LIMK2: variants seen among roughly 807,000 people sequenced by gnomAD.
The protein encoded by LIMK2 is LIM domain kinase 2.
A neutral mutation model predicts 75.7 loss-of-function variants in LIMK2; 35 were observed. The ratio of observed to expected loss-of-function variants is 0.46; its 90% CI spans 0.35 to 0.61. The LOEUF is 0.61. Ranked by LOEUF, LIMK2 falls within the 20% of genes least tolerant of loss-of-function variation. The pLI, the probability that LIMK2 is intolerant of heterozygous loss-of-function variation, is 0.00. For synonymous variants in LIMK2, 301 were observed against 319.2 expected (o/e 0.94, Z 0.61); for missense variants, 623 against 831.0 (o/e 0.75, Z 3.08).
At chr22:31,228,629 A>C (rs555618213) in intron 2 of LIMK2, among the ~76,000 whole-genome samples, 88 of 152,256 alleles carry the variant, frequency 5.8e-4, no homozygotes, top group African/African-American at 2.1e-3. Context: ...ATAGCATCTG[A>C]CATATAGAAA....
intron 2 of LIMK2, among the ~76,000 whole-genome samples, chr22:31,226,456 A>G (rs953936944): frequency 4.0e-5 from 1 of 25,138 alleles, no homozygotes; most frequent in African/African-American, 3.4e-4. Context: ...ACCCACCTCG[A>G]CCTCCCAAAG....
intron 2 of LIMK2, among the ~76,000 whole-genome samples, chr22:31,226,659 G>A (rs1249656017): frequency 6.6e-6 from 1 of 152,034 alleles, no homozygotes; most frequent in Non-Finnish European, 1.5e-5. Context: ...GCCCAGGCTG[G>A]TGTACAGTGA....
chr22:31,239,611 T>G (rs1177699577), intron 2 of LIMK2, among the ~76,000 whole-genome samples: 2 of 149,030 alleles, frequency 1.3e-5, no homozygotes, highest in East Asian at 3.8e-4. Context: ...AATCAGAGAC[T>G]TCTTCTCTCT....
At chr22:31,266,220 C>A (rs1198105656) in intron 8 of LIMK2, 88 bp downstream of exon 8, 3 of 1,330,796 alleles carry the variant, frequency 2.3e-6, no homozygotes, top group East Asian at 2.4e-5. Context: ...TGGCCCCACC[C>A]CACACCATGC....
intron 11 of LIMK2, among the ~76,000 whole-genome samples, chr22:31,269,667 A>G (rs1400233327): frequency 6.6e-6 from 1 of 151,848 alleles, no homozygotes; most frequent in African/African-American, 2.4e-5. Flanking sequence ...CCAGCTACTC[A>G]GGAGGCCGAG....
At chr22:31,268,233 G>A (rs1358797034) in intron 11 of LIMK2, 33 bp downstream of exon 11, 4 of 1,560,820 alleles carry the variant, frequency 2.6e-6, no homozygotes, top group Non-Finnish European at 2.7e-6. Flanking sequence ...CCAGCAGGGC[G>A]AGAGTAGGGA....
At position 31,226,452 on chromosome 22, in the gene LIMK2, C is replaced by G. The variant is rs1034035465; in HGVS notation, c.116+633C>G. 5.3e-5 allele frequency among the ~76,000 whole-genome samples: 8 copies of G among 151,504 alleles called. No homozygotes were observed. In the East Asian group the frequency reaches 1.6e-3, roughly 29 times the overall value. Reference sequence around the variant, plus strand: ...TCCTGACCTCAAATGATGCACCCACCTCGACCTCCCAAAGTGCTGGAATCA... The same window carrying G: ...TCCTGACCTCAAATGATGCACCCACGTCGACCTCCCAAAGTGCTGGAATCA... On this transcript the variant is annotated intron_variant, in intron 2 of 15. Transcript: ENST00000331728.
At chr22:31,271,039 C>T (rs1232000793) in intron 11 of LIMK2, 97 bp from the exon 12 acceptor site, 1 of 1,100,302 alleles carries the variant, frequency 9.1e-7, no homozygotes, top group Non-Finnish European at 1.4e-6. Context: ...GCTGGGTGGG[C>T]ATGGCCTGGT....
intron 7 of LIMK2, 49 bp from the exon 8 acceptor site, chr22:31,265,897 C>T (rs1167404700): frequency 1.2e-5 from 18 of 1,543,060 alleles, no homozygotes; most frequent in South Asian, 1.0e-4. Context: ...GTTTCTTGGC[C>T]GGTCTCTGAG....
intron 1 of LIMK2, among the ~76,000 whole-genome samples, chr22:31,216,033 G>A (rs1418585767): frequency 1.3e-5 from 2 of 152,184 alleles, no homozygotes; most frequent in Non-Finnish European, 1.5e-5. Context: ...GGGAGAGATA[G>A]ACAGCAAGTA....
At chr22:31,238,027 A>C (rs1333165672) in intron 2 of LIMK2, among the ~76,000 whole-genome samples, 1 of 146,756 alleles carries the variant, frequency 6.8e-6, no homozygotes, top group African/African-American at 2.5e-5. Context: ...AGGCAGGAGA[A>C]TTGCTTGAAC....
intron 2 of LIMK2, among the ~76,000 whole-genome samples, chr22:31,244,975 T>C (rs906899264): frequency 6.6e-6 from 1 of 152,250 alleles, no homozygotes; most frequent in Non-Finnish European, 1.5e-5. Flanking sequence ...AACCTCCCTG[T>C]ACCTCAGTTG....
chr22:31,262,339 C>G lies in LIMK2; in HGVS notation c.657+100C>G, dbSNP rs2048849457. ...TTACCTTTTCCTACCCCCAGCCCAT[C>G]TCTTTGTCTTAGCATTGAGCCTGTG... On this transcript the variant is annotated intron_variant, in intron 6 of 15. Transcript: ENST00000331728. The surrounding 1 kb of genome is among the most constrained non-coding windows in gnomAD (Gnocchi z 5.0). 6 of 1,014,532 alleles carry G rather than the reference C, an allele frequency of 5.9e-6. No individual in the cohort carries two copies. The highest frequency in any genetic ancestry group is 3.2e-5 in the African/African-American group (2 of 63,024). The allele number at this position is 1,014,532 out of a possible 1,614,324, so 62.8% of individuals were successfully genotyped here. A position where few individuals can be genotyped will look rare whatever the true frequency, so the allele number is the denominator to read the frequency against.
intron 2 of LIMK2, among the ~76,000 whole-genome samples, chr22:31,236,496 C>A (rs1320248878): frequency 6.6e-6 from 1 of 151,206 alleles, no homozygotes; most frequent in African/African-American, 2.4e-5. Flanking sequence ...GTGGTCCCAG[C>A]TACTCAGGAG....
At chr22:31,237,973 G>C (rs1399723773) in intron 2 of LIMK2, among the ~76,000 whole-genome samples, 1 of 151,196 alleles carries the variant, frequency 6.6e-6, no homozygotes, top group African/African-American at 2.4e-5. Flanking sequence ...AAATTAGCCA[G>C]GCATGATGGC....
At chr22:31,273,704 G>GT (rs1569003640) in intron 14 of LIMK2, among the ~76,000 whole-genome samples, 197 bp downstream of exon 14, 1 of 152,114 alleles carries the variant, frequency 6.6e-6, no homozygotes, top group South Asian at 2.1e-4. Flanking sequence ...GACTGGCAGG[G>GT]TTTTTTTGTT....
chr22:31,246,175 G>GCACACACACACACACACACACA (rs1300039438), intron 2 of LIMK2, among the ~76,000 whole-genome samples: 5 of 78,054 alleles, frequency 6.4e-5, no homozygotes, highest in South Asian at 4.7e-4. Context: ...TCCGACACAC[G>GCACACACACACACACACACACA]CACGCACGCA....
intron 2 of LIMK2, among the ~76,000 whole-genome samples, chr22:31,253,010 A>G (rs1311305343): frequency 7.2e-6 from 1 of 139,066 alleles, no homozygotes; most frequent in Non-Finnish European, 1.6e-5. Context: ...ATCTGGGTTG[A>G]CCCACTGAAC....
chr22:31,260,471 T>C (rs936610900), intron 5 of LIMK2, among the ~76,000 whole-genome samples: 2 of 152,176 alleles, frequency 1.3e-5, no homozygotes, highest in Non-Finnish European at 2.9e-5. Flanking sequence ...TGGCATATAG[T>C]AGGAGTTGAT....
Sources: allele counts gnomAD v4.1 joint callset (sites outside exome capture counted in the v4.1 genomes callset), GRCh38; gene constraint gnomAD v4.1.1; non-coding constraint Gnocchi (gnomAD v3.1); transcripts MANE v1.5; gene names NCBI Gene and HGNC (gene_info 2026-07-23, HGNC 2026-07-21).